BMAL2: variants seen among roughly 807,000 people sequenced by gnomAD.
BMAL2 encodes the protein basic helix-loop-helix ARNT like 2, also known as basic helix-loop-helix ARNT-like protein 2.
the BMAL2 span, among the ~76,000 whole-genome samples, chr12:27,333,416 G>A: frequency 1.3e-5 from 2 of 152,244 alleles, no homozygotes; most frequent in Non-Finnish European, 2.9e-5. Context: ...GCCAGCGGGG[G>A]ACCTTGCACC....
chr12:27,404,059 G>T, the BMAL2 span, among the ~76,000 whole-genome samples: 1 of 151,764 alleles, frequency 6.6e-6, no homozygotes, highest in Non-Finnish European at 1.5e-5. Flanking sequence ...CTACTTGGGA[G>T]GCTAAGGTGG....
the BMAL2 span, among the ~76,000 whole-genome samples, chr12:27,404,493 G>T: frequency 4.6e-5 from 7 of 152,056 alleles, no homozygotes; most frequent in Middle Eastern, 3.4e-3. Context: ...ACATTAAAGG[G>T]CATTATGATA....
At chr12:27,391,166 T>C in the BMAL2 span, among the ~76,000 whole-genome samples, 83 of 152,198 alleles carry the variant, frequency 5.5e-4, no homozygotes, top group Non-Finnish European at 3.8e-4. Context: ...ACCCAGTAGA[T>C]AGTTTTTCAA....
chr12:27,410,781 T>G, the BMAL2 span, among the ~76,000 whole-genome samples: 1 of 151,964 alleles, frequency 6.6e-6, no homozygotes, highest in Non-Finnish European at 1.5e-5. Context: ...AAAATAAAAC[T>G]AAAGCTTTTC....
At chr12:27,402,988 G>A in the BMAL2 span, among the ~76,000 whole-genome samples, 1 of 152,170 alleles carries the variant, frequency 6.6e-6, no homozygotes, top group African/African-American at 2.4e-5. Context: ...CCAGTAGACA[G>A]TTCTTTAAGG....
the BMAL2 span, among the ~76,000 whole-genome samples, chr12:27,354,962 A>G: frequency 6.6e-6 from 1 of 152,218 alleles, no homozygotes; most frequent in African/African-American, 2.4e-5. Flanking sequence ...AGTGATTACT[A>G]GATTAGTAGT....
chr12:27,398,489 C>T, the BMAL2 span, among the ~76,000 whole-genome samples: 2 of 152,144 alleles, frequency 1.3e-5, no homozygotes, highest in South Asian at 4.1e-4. Flanking sequence ...TTCCCATTTG[C>T]CCTGAGAATA....
chr12:27,423,252 G>T, the BMAL2 span: 1 of 150,752 alleles, frequency 6.6e-6, no homozygotes, highest in Admixed American at 6.6e-5. Flanking sequence ...TTGAATTTTC[G>T]TGAGAAAGAA....
chr12:27,385,750 G>A, the BMAL2 span, among the ~76,000 whole-genome samples: 1 of 152,214 alleles, frequency 6.6e-6, no homozygotes, highest in Admixed American at 6.5e-5. Flanking sequence ...TGAAAGTAGA[G>A]ACAGAGGATA....
the BMAL2 span, among the ~76,000 whole-genome samples, chr12:27,346,603 T>C: frequency 3.9e-5 from 6 of 152,196 alleles, no homozygotes; most frequent in Non-Finnish European, 2.9e-5. Context: ...CCCTTTGCCA[T>C]GATTCTCACT....
At chr12:27,413,968 G>A in the BMAL2 span, among the ~76,000 whole-genome samples, 1 of 151,976 alleles carries the variant, frequency 6.6e-6, no homozygotes, top group Non-Finnish European at 1.5e-5. Context: ...GGAGTTCAAG[G>A]CTGTAGTGCA....
chr12:27,348,693 T>A, the BMAL2 span, among the ~76,000 whole-genome samples: 1 of 152,214 alleles, frequency 6.6e-6, no homozygotes, highest in African/African-American at 2.4e-5. Context: ...AAATAGAGAT[T>A]TAACTTTTTC....
At chr12:27,401,279 C>A in the BMAL2 span, 3 of 1,614,084 alleles carry the variant, frequency 1.9e-6, no homozygotes, top group Non-Finnish European at 1.7e-6. Flanking sequence ...TTTAGGATAT[C>A]TGCCTCAGGA....
chr12:27,404,080 A>G, the BMAL2 span, among the ~76,000 whole-genome samples: 15 of 150,532 alleles, frequency 1.0e-4, no homozygotes, highest in African/African-American at 3.7e-4. Context: ...GAGGATCACT[A>G]GAGTGGGGTG....
At chr12:27,376,443 G>T in the BMAL2 span, 2 of 1,538,100 alleles carry the variant, frequency 1.3e-6, no homozygotes, top group Non-Finnish European at 1.8e-6. Flanking sequence ...ACAAAGGCAA[G>T]CCTGTAGCCT....
chr12:27,410,245 G>T, the BMAL2 span, among the ~76,000 whole-genome samples: 5 of 152,186 alleles, frequency 3.3e-5, no homozygotes, highest in African/African-American at 4.8e-5. Flanking sequence ...CCATTACTGG[G>T]TATATACCCG....
chr12:27,422,233 G>A, the BMAL2 span: 1 of 152,122 alleles, frequency 6.6e-6, no homozygotes, highest in African/African-American at 2.4e-5. Context: ...GCAAATGAAA[G>A]TCAGATAGGC....
the BMAL2 span, among the ~76,000 whole-genome samples, chr12:27,363,524 A>G: frequency 5.9e-5 from 9 of 152,178 alleles, no homozygotes; most frequent in Admixed American, 4.6e-4. Flanking sequence ...ATATATTAGT[A>G]TATCACTACA....
At chr12:27,398,563 T>TA in the BMAL2 span, among the ~76,000 whole-genome samples, 15 of 150,630 alleles carry the variant, frequency 1.0e-4, no homozygotes, top group Non-Finnish European at 1.3e-4. Flanking sequence ...ATGGGATTTT[T>TA]AAAAAAAAAA....
Sources: gnomAD v4.1 joint callset for allele counts (sites outside exome capture counted in the v4.1 genomes callset) on GRCh38, gnomAD v4.1.1 for gene constraint, MANE v1.5 for transcripts, NCBI Gene and HGNC (gene_info 2026-07-23, HGNC 2026-07-21) for gene names.